OTUD4: variants seen among roughly 807,000 people sequenced by gnomAD.
The protein encoded by OTUD4 is OTU domain-containing protein 4.
A neutral mutation model predicts 130.4 loss-of-function variants in OTUD4; 24 were observed. The observed-to-expected ratio is 0.18, with a 90% CI of 0.13 to 0.26. The LOEUF is 0.26. Ranked by LOEUF, OTUD4 falls within the 10% of genes least tolerant of loss-of-function variation. The probability of loss-of-function intolerance (pLI) is 1.00; values close to 1 mark genes in which losing one functional copy is unlikely to be tolerated. For missense variants in OTUD4, 1,031 were observed against 1,329.4 expected (o/e 0.78, Z 3.49); for synonymous variants, 420 against 472.5 (o/e 0.89, Z 1.44).
chr4:145,164,648 A>G (rs947966301), intron 4 of OTUD4, among the ~76,000 whole-genome samples: 1 of 152,180 alleles, frequency 6.6e-6, no homozygotes, highest in Non-Finnish European at 1.5e-5. Flanking sequence ...TTTGAGCACC[A>G]ACATGACACT....
In OTUD4 at chr4:145,136,109, G is replaced by GTGGA. The variant is rs1328333909; in HGVS notation, c.*1317_*1320dup. 6.6e-6 allele frequency: 1 copy of GTGGA among 152,590 alleles called. No homozygotes were observed. The highest frequency in any genetic ancestry group is 1.5e-5 in the Non-Finnish European group (1 of 68,040). The allele number at this position is 152,590 out of a possible 1,614,324, so 9.5% of individuals were successfully genotyped here. A position where few individuals can be genotyped will look rare whatever the true frequency, so the allele number is the denominator to read the frequency against. On this transcript the variant is annotated 3_prime_UTR_variant, in exon 21 of 21. Transcript: ENST00000447906. Reference sequence around the variant, plus strand: ...AAGATAATCTCAACATAATAAAAGAGTGGATTTTCACATTGGTATGCACAA... The same window carrying GTGGA: ...AAGATAATCTCAACATAATAAAAGAGTGGATGGATTTTCACATTGGTATGCACAA...
intron 6 of OTUD4, among the ~76,000 whole-genome samples, chr4:145,161,289 G>A (rs1431438350): frequency 6.6e-6 from 1 of 152,168 alleles, no homozygotes; most frequent in Admixed American, 6.5e-5. Context: ...CAAGCTCTAG[G>A]AGCTATCTTT....
At chr4:145,172,911 G>GA (rs966859908) in intron 2 of OTUD4, among the ~76,000 whole-genome samples, 1 of 151,996 alleles carries the variant, frequency 6.6e-6, no homozygotes, top group African/African-American at 2.4e-5. Context: ...CATCCTCTCT[G>GA]AGAGTCTCCT....
chr4:145,177,187 T>C (rs1357938625), intron 1 of OTUD4, among the ~76,000 whole-genome samples: 1 of 152,252 alleles, frequency 6.6e-6, no homozygotes, highest in Non-Finnish European at 1.5e-5. Flanking sequence ...CTGATAGGGC[T>C]TTCCTCTGCC....
intron 7 of OTUD4, chr4:145,159,100 A>T: frequency 2.0e-6 from 2 of 1,019,038 alleles, no homozygotes; most frequent in Non-Finnish European, 2.4e-6. Context: ...TTATCTAAAA[A>T]GAGGCACTAC....
chr4:145,134,882 TATG>T lies in OTUD4; in HGVS notation c.*2545_*2547del, dbSNP rs1399110360. 1 of 398,816 alleles carries T rather than the reference TATG, an allele frequency of 2.5e-6. No individual in the cohort carries two copies. Among genetic ancestry groups the T allele is most frequent in the Non-Finnish European group, 4.4e-6 (1 of 225,954 alleles). 24.7% of individuals were successfully genotyped at this position (398,816 alleles called of 1,614,324 possible). A position where few individuals can be genotyped will look rare whatever the true frequency, so the allele number is the denominator to read the frequency against. On this transcript the variant is annotated 3_prime_UTR_variant, in exon 21 of 21. Coordinates refer to ENST00000447906, the MANE Select transcript of OTUD4 (RefSeq NM_001366057.1). The stretch of plus-strand genomic sequence containing the variant: ...TTCTTCAAAATATGTATGATCATAA[TATG>T]GTGAAGTTTCATAATTTCCAACTCA...
In OTUD4 at chr4:145,134,574, T is replaced by C; in HGVS notation, c.*2856A>G. On this transcript the variant is annotated 3_prime_UTR_variant, in exon 21 of 21. Transcript: ENST00000447906. The stretch of plus-strand genomic sequence containing the variant: ...ACACGCTGCAAGAATACAGTCTGCA[T>C]TAAATAAGATATATCAGCATTGTGG... 1 of 397,394 alleles carries C rather than the reference T, an allele frequency of 2.5e-6. No homozygotes were observed. Among genetic ancestry groups the C allele is most frequent in the Non-Finnish European group, 4.4e-6 (1 of 225,552 alleles). 24.6% of individuals were successfully genotyped at this position (397,394 alleles called of 1,614,324 possible).
rs767596718 is a variant in OTUD4 at position 145,137,630 on chromosome 4, T to G, written c.3145A>C (p.Ser1049Arg). 13 of 1,613,616 alleles carry G rather than the reference T, an allele frequency of 8.1e-6. No individual in the cohort carries two copies. Among genetic ancestry groups the G allele is most frequent in the Non-Finnish European group, 1.1e-5 (13 of 1,179,764 alleles). Reference protein sequence around the residue: ...SKQFYNQTYGSRKYKSDWGYS... With the variant: ...SKQFYNQTYGRRKYKSDWGYS... The stretch of plus-strand genomic sequence containing the variant: ...CCCCAATCACTTTTGTACTTCCTGC[T>G]TCCATAAGTTTGATTATAGAACTGC... Residue 1049 changes from serine (S) to arginine (R), a missense_variant, in exon 21 of 21, where the codon AGC (serine) becomes CGC (arginine). Around this residue, in one of 3 missense-constraint regions of OTUD4, gnomAD observed 900 missense variants for 1,095.9 expected, o/e 0.82. Transcript: ENST00000447906.
chr4:145,172,535 TCGCAC>T (rs1752226682), intron 2 of OTUD4, among the ~76,000 whole-genome samples: 1 of 152,182 alleles, frequency 6.6e-6, no homozygotes, highest in African/African-American at 2.4e-5. Context: ...TTAATAGCAA[TCGCAC>T]TCATTTGAGA....
At chr4:145,144,275 C>A (rs780252168) in intron 15 of OTUD4, 36 bp downstream of exon 15, 1 of 1,596,566 alleles carries the variant, frequency 6.3e-7, no homozygotes, top group South Asian at 1.1e-5. Context: ...CTAAAGAGAT[C>A]TCTAGCATCT....
chr4:145,168,036 C>T (rs1317458141), intron 3 of OTUD4, among the ~76,000 whole-genome samples: 3 of 151,780 alleles, frequency 2.0e-5, no homozygotes, highest in Non-Finnish European at 4.4e-5. Context: ...AAAAAAAAAT[C>T]GATATTATAC....
In OTUD4 at chr4:145,159,493, T is replaced by G. The variant is rs749654535; in HGVS notation, c.629+10A>C. ...GCACTAAGAAAGGTATTTTAGGATT[T>G]CATTCTTACTTGCAACTGTCATCCT... is the stretch of plus-strand genomic sequence containing the variant. On this transcript the variant is annotated intron_variant, in intron 7 of 20. Coordinates refer to ENST00000447906, the MANE Select transcript of OTUD4 (RefSeq NM_001366057.1). The G allele has an allele frequency of 1.9e-6, 3 of 1,613,202 alleles. No homozygotes were observed. Among genetic ancestry groups the G allele is most frequent in the Non-Finnish European group, 2.5e-6 (3 of 1,179,542 alleles).
intron 13 of OTUD4, among the ~76,000 whole-genome samples, chr4:145,147,482 C>A (rs1371483580): frequency 6.6e-6 from 1 of 152,180 alleles, no homozygotes; most frequent in Non-Finnish European, 1.5e-5. Context: ...AAAATTAGCA[C>A]TACCTTATCA....
rs761726786 is a variant in OTUD4 at position 145,135,662 on chromosome 4, A to C, written c.*1768T>G. 22 of 152,638 alleles carry C rather than the reference A, an allele frequency of 1.4e-4. No individual in the cohort carries two copies. The highest frequency in any genetic ancestry group is 2.9e-5 in the Non-Finnish European group (2 of 68,038). 9.5% of individuals were successfully genotyped at this position (152,638 alleles called of 1,614,324 possible). A position where few individuals can be genotyped will look rare whatever the true frequency, so the allele number is the denominator to read the frequency against. ...CCTTTCAATAGGTTCTCTCAAGAAAAGTTTTCCACACAACCATCCCAGTCT... is the reference window on the plus strand; with the variant it reads ...CCTTTCAATAGGTTCTCTCAAGAAACGTTTTCCACACAACCATCCCAGTCT... On this transcript the variant is annotated 3_prime_UTR_variant, in exon 21 of 21. Transcript: ENST00000447906.
chr4:145,139,835 T>C (rs1363279962), intron 20 of OTUD4, 116 bp downstream of exon 20: 1 of 429,908 alleles, frequency 2.3e-6, no homozygotes, highest in Non-Finnish European at 4.3e-6. Flanking sequence ...GTTTTTAAAA[T>C]GATGAGATTT....
rs1327748242 is a variant in OTUD4 at position 145,138,478 on chromosome 4, G to T, written c.2297C>A (p.Ala766Asp). Reference protein sequence around the residue: ...QNESDCTCTDAHFPMQTEASV... With the variant: ...QNESDCTCTDDHFPMQTEASV... ...GGCCTCAGTCTGCATAGGAAAGTGG[G>T]CATCAGTACAGGTACAATCACTTTC... The change falls in exon 21 of 21, where the codon GCC becomes GAC. Residue 766 changes from alanine (A) to aspartate (D), a missense_variant. Coordinates refer to ENST00000447906, the MANE Select transcript of OTUD4 (RefSeq NM_001366057.1). 6 of 1,613,808 alleles carry T rather than the reference G, an allele frequency of 3.7e-6. No individual in the cohort carries two copies. In the Admixed American group the frequency reaches 8.3e-5, roughly 22 times the overall value.
chr4:145,172,518 T>A (rs1397383062), intron 2 of OTUD4, among the ~76,000 whole-genome samples: 1 of 152,248 alleles, frequency 6.6e-6, no homozygotes, highest in African/African-American at 2.4e-5. Context: ...ACCTTTTTTA[T>A]GTTTCTTTAA....
intron 1 of OTUD4, among the ~76,000 whole-genome samples, chr4:145,175,229 G>A (rs1752360541): frequency 6.6e-6 from 1 of 152,198 alleles, no homozygotes; most frequent in African/African-American, 2.4e-5. Context: ...GAGGCTCTGT[G>A]TAAAAATTTA....
At chr4:145,147,354 A>G (rs1160831456) in intron 13 of OTUD4, among the ~76,000 whole-genome samples, 1 of 152,186 alleles carries the variant, frequency 6.6e-6, no homozygotes, top group Non-Finnish European at 1.5e-5. Context: ...CCCTAATGGT[A>G]TCGATGAAAA....
Sources: gnomAD v4.1 joint callset for allele counts (sites outside exome capture counted in the v4.1 genomes callset) on GRCh38, gnomAD v4.1.1 for gene constraint, gnomAD v4.1.1 regional missense constraint, MANE v1.5 for transcripts, NCBI Gene and HGNC (gene_info 2026-07-23, HGNC 2026-07-21) for gene names.